Variants in NLRC3 observed in about 807,000 individuals in gnomAD.
The protein encoded by NLRC3 is NLR family CARD domain-containing protein 3.
NLRC3 carries 87 observed loss-of-function variants against 91.6 expected under a neutral mutation model. The ratio of observed to expected loss-of-function variants is 0.95; its 90% CI spans 0.80 to 1.14. The LOEUF (loss-of-function observed/expected upper bound fraction) is 1.14. Among genes scored for constraint, NLRC3 ranks in the 50% most tolerant of loss-of-function variants. The pLI is 0.00. For missense variants in NLRC3, 1,577 were observed against 1,418.6 expected (o/e 1.11, Z -1.79); for synonymous variants, 694 against 625.3 (o/e 1.11, Z -1.64).
At position 3,551,985 on chromosome 16, in the gene NLRC3, CCAT is replaced by C. The variant is rs1236651732; in HGVS notation, c.2351+208_2351+210del. ...CTCATCAGTGTATCCCTTCATTCAT[CCAT>C]CCATCCATCCATCCATCCATCCATC... is the stretch of plus-strand genomic sequence containing the variant. On this transcript the variant is annotated intron_variant, in intron 10 of 19. Transcript: ENST00000359128. Among the ~76,000 whole-genome samples, 241 of 150,274 alleles carry C rather than the reference CCAT, an allele frequency of 1.6e-3. 3 individuals carry two copies. The highest frequency in any genetic ancestry group is 4.3e-3 in the African/African-American group (175 of 40,860).
intron 7 of NLRC3, among the ~76,000 whole-genome samples, chr16:3,557,311 G>A (rs960088246): frequency 1.3e-5 from 2 of 152,232 alleles, no homozygotes; most frequent in Non-Finnish European, 2.9e-5. Flanking sequence ...CGGCAACTGA[G>A]GAGCCATGGT....
At chr16:3,551,119 A>G (rs1291955422) in intron 10 of NLRC3, among the ~76,000 whole-genome samples, 1 of 151,462 alleles carries the variant, frequency 6.6e-6, no homozygotes, top group South Asian at 2.1e-4. Flanking sequence ...CCACCCATCC[A>G]TCCATTTGTC....
chr16:3,544,995 C>T (rs1408175576), intron 15 of NLRC3: 2 of 152,252 alleles, frequency 1.3e-5, no homozygotes, highest in South Asian at 2.1e-4. Flanking sequence ...CGCCCAACCT[C>T]CTTGGCCATT....
chr16:3,564,742 C>G lies in NLRC3; in HGVS notation c.195G>C (p.Arg65Ser). 6.3e-7 allele frequency: 1 copy of G among 1,583,252 alleles called. No homozygotes were observed. Among genetic ancestry groups the G allele is most frequent in the Non-Finnish European group, 8.5e-7 (1 of 1,170,326 alleles). Reference protein sequence around the residue: ...GPCSNDSRIQRHRKALLSKVG... With the variant: ...GPCSNDSRIQSHRKALLSKVG... ...CCTTGCTCAGCAGGGCCTTGCGGTG[C>G]CTCTGTATCCTTGAGTCTGCGGGAC... The change falls in exon 5 of 20, where the codon AGG becomes AGC. Residue 65 changes from arginine (R) to serine (S), a missense_variant. Transcript: ENST00000359128. The surrounding 1 kb of genome is among the most constrained non-coding windows in gnomAD (Gnocchi z 5.9).
chr16:3,560,293 T>C (rs552583550), intron 6 of NLRC3, among the ~76,000 whole-genome samples: 24 of 151,934 alleles, frequency 1.6e-4, no homozygotes, highest in Non-Finnish European at 1.8e-4. Flanking sequence ...TGTGGTGGCA[T>C]GCGCCTGTAG....
chr16:3,564,523 G>A lies in NLRC3; in HGVS notation c.414C>T (p.Pro138=). The A allele has an allele frequency of 1.2e-6, 2 of 1,612,270 alleles. No homozygotes were observed. The highest frequency in any genetic ancestry group is 2.2e-5 in the East Asian group (1 of 44,870). ...FLPLSRVSVP[P]RVSITIGVAG... is the part of the protein sequence containing the mutation. ...CCACCCCGATAGTGATGGAGACCCG[G>A]GGTGGGACAGACACCCGGGAGAGAG... is the stretch of plus-strand genomic sequence containing the variant. The change falls in exon 5 of 20, where the codon CCC becomes CCT. Residue 138 remains proline (P), a synonymous_variant. Transcript: ENST00000359128. This position sits in a 1 kb window ranked among gnomAD's most constrained non-coding sequence, Gnocchi z 5.9.
At chr16:3,546,763 G>A (rs1245548010) in intron 15 of NLRC3, among the ~76,000 whole-genome samples, 1 of 152,144 alleles carries the variant, frequency 6.6e-6, no homozygotes, top group Non-Finnish European at 1.5e-5. Flanking sequence ...TGAGGAGAGA[G>A]GGCTGGGACA....
chr16:3,548,075 T>G, intron 15 of NLRC3, 60 bp downstream of exon 15: 1 of 1,204,472 alleles, frequency 8.3e-7, no homozygotes, highest in Non-Finnish European at 1.2e-6. Context: ...GGTACCAGGT[T>G]TTCAGATTCC....
At chr16:3,550,377 A>G (rs748319445) in intron 11 of NLRC3, 37 bp downstream of exon 11, 1 of 1,414,738 alleles carries the variant, frequency 7.1e-7, no homozygotes, top group South Asian at 1.2e-5. Context: ...TGGAAAGAGA[A>G]CCCAGGGGGA....
intron 15 of NLRC3, chr16:3,544,607 A>G: frequency 2.5e-6 from 1 of 407,922 alleles, no homozygotes; most frequent in African/African-American, 2.0e-5. Context: ...GGGACCCAAA[A>G]GGGGATGCTT....
chr16:3,576,842 T>G (rs2040320523), intron 1 of NLRC3, among the ~76,000 whole-genome samples: 1 of 152,062 alleles, frequency 6.6e-6, no homozygotes, highest in African/African-American at 2.4e-5. Flanking sequence ...AATTTATTTT[T>G]TATTTTTAGT....
intron 16 of NLRC3, 123 bp from the exon 17 acceptor site, chr16:3,543,631 G>A: frequency 4.3e-6 from 3 of 696,062 alleles, no homozygotes; most frequent in Non-Finnish European, 7.7e-6. Flanking sequence ...GAGAATGGTT[G>A]GCCAGCGCTG....
intron 8 of NLRC3, chr16:3,556,006 A>C (rs1451024042): frequency 6.6e-6 from 1 of 150,852 alleles, no homozygotes; most frequent in East Asian, 1.9e-4. Flanking sequence ...CCACTCAGCT[A>C]AGTATAGATA....
At chr16:3,560,803 G>C (rs2039573193) in intron 6 of NLRC3, among the ~76,000 whole-genome samples, 1 of 151,724 alleles carries the variant, frequency 6.6e-6, no homozygotes, top group Non-Finnish European at 1.5e-5. Flanking sequence ...GGGACTACAG[G>C]CGCCCACCAC....
chr16:3,564,920 G>T lies in NLRC3; in HGVS notation c.117C>A (p.Gly39=). The T allele has an allele frequency of 1.2e-6, 2 of 1,610,268 alleles. No homozygotes were observed. ...MDLLAGKGSQ[G]SQAPQALDRT... ...TATCCAGGGCCTGCGGGGCCTGGGA[G>T]CCTTGACTGCCCTTCCCAGCCAGCA... Residue 39 remains glycine, a synonymous_variant, in exon 4 of 20, where the codon GGC becomes GGA. Coordinates refer to ENST00000359128, the MANE Select transcript of NLRC3 (RefSeq NM_178844.4). This position sits in a 1 kb window ranked among gnomAD's most constrained non-coding sequence, Gnocchi z 5.9.
rs1166905059 is a variant in NLRC3, at chr16:3,563,022, A to T, written c.1915T>A (p.Cys639Ser). 1.9e-6 allele frequency: 3 copies of T among 1,553,888 alleles called. No individual in the cohort carries two copies. In the African/African-American group the frequency reaches 4.1e-5, roughly 21 times the overall value. Residue 639 changes from cysteine to serine, a missense_variant, in exon 5 of 20, where the codon TGC (cysteine) becomes AGC (serine). Physicochemically the swap from Cys to Ser is moderately radical, Grantham distance 112. Transcript: ENST00000359128. ...LQSLLPQLLY[C>S]RKLRLDTNQF... is the part of the protein sequence containing the mutation. ...CCTGGTATCCACCTGAGCTTCCGGCAGTAGAGCAGCTGGGGCAGCAGGCTC... is the reference window on the plus strand; with the variant it reads ...CCTGGTATCCACCTGAGCTTCCGGCTGTAGAGCAGCTGGGGCAGCAGGCTC...
intron 1 of NLRC3, among the ~76,000 whole-genome samples, chr16:3,569,392 A>ATTAT (rs201744035): frequency 2.2e-3 from 122 of 55,522 alleles, no homozygotes; most frequent in Middle Eastern, 0.025. Flanking sequence ...ATATATATAT[A>ATTAT]TATTATTTTT....
chr16:3,575,303 G>A (rs961953630), intron 1 of NLRC3, among the ~76,000 whole-genome samples: 14 of 152,190 alleles, frequency 9.2e-5, no homozygotes, highest in East Asian at 3.9e-4. Flanking sequence ...GGCCCTGCAC[G>A]CAGCCCTAAC....
At chr16:3,545,185 C>T (rs1198098548) in intron 15 of NLRC3, 1 of 152,222 alleles carries the variant, frequency 6.6e-6, no homozygotes, top group Admixed American at 6.5e-5. Context: ...GTGGCTCACA[C>T]CTTTAATCCC....
Sources: allele counts gnomAD v4.1 joint callset (sites outside exome capture counted in the v4.1 genomes callset), GRCh38; gene constraint gnomAD v4.1.1; non-coding constraint Gnocchi (gnomAD v3.1); transcripts MANE v1.5; gene names NCBI Gene and HGNC (gene_info 2026-07-23, HGNC 2026-07-21).